Variants in ADGRV1 observed in about 807,000 individuals in gnomAD.
ADGRV1 encodes adhesion G protein-coupled receptor V1.
A neutral mutation model predicts 596.2 loss-of-function variants in ADGRV1; 359 were observed. The observed-to-expected ratio is 0.60, with a 90% confidence interval of 0.55 to 0.66. ADGRV1 has a LOEUF of 0.66. Ranked by LOEUF, ADGRV1 falls within the 30% of genes least tolerant of loss-of-function variation. The pLI, the probability that ADGRV1 is intolerant of heterozygous loss-of-function variation, is 0.00. For synonymous variants in ADGRV1, 2,681 were observed against 2,679.2 expected (o/e 1.00, Z -0.02); for missense variants, 7,274 against 7,575.6 (o/e 0.96, Z 1.48).
At position 90,675,105 on chromosome 5, in the gene ADGRV1, T is replaced by C. The variant is rs375644404; in HGVS notation, c.5111-138T>C. ...ATCAAAAGCATGTTAGTTAAATCTT[T>C]GCTAAAATATTTTCTAAATAAAGTC... On this transcript the variant is annotated intron_variant, in intron 23 of 89. Coordinates refer to ENST00000405460, the MANE Select transcript of ADGRV1 (RefSeq NM_032119.4). 1.0e-3 allele frequency: 618 copies of C among 610,096 alleles called. 8 individuals are homozygous for C. In the South Asian group the frequency reaches 0.015, roughly 14 times the overall value. 37.8% of individuals were successfully genotyped at this position (610,096 alleles called of 1,614,324 possible).
At chr5:90,978,982 T>C (rs936726281) in intron 84 of ADGRV1, among the ~76,000 whole-genome samples, 4 of 152,180 alleles carry the variant, frequency 2.6e-5, no homozygotes, top group African/African-American at 9.7e-5. Flanking sequence ...TTGGGTATTA[T>C]ATTCTGATAA....
chr5:90,886,654 C>T lies in ADGRV1; in HGVS notation c.17856+22797C>T, dbSNP rs561740455. ...CTCTGGTCTTATATACTCTGTTGCT[C>T]CTTGATAGCTCTTCTTGGATGTCTC... On this transcript the variant is annotated intron_variant, in intron 83 of 89. Coordinates refer to ENST00000405460, the MANE Select transcript of ADGRV1 (RefSeq NM_032119.4). Among the ~76,000 whole-genome samples the T allele has an allele frequency of 3.3e-5, 5 of 152,238 alleles. No homozygotes were observed. The East Asian group carries it at 9.7e-4, about 29-fold the overall frequency.
intron 26 of ADGRV1, 37 bp from the exon 27 acceptor site, chr5:90,681,278 A>ATTTTTTTTTTT (rs368491786): frequency 1.4e-6 from 2 of 1,453,192 alleles, no homozygotes; most frequent in Non-Finnish European, 1.9e-6. Context: ...ACTGATCATC[A>ATTTTTTTTTTT]TTTTTTTTTT....
In ADGRV1 at chr5:90,716,728, A is replaced by G. The variant is rs1013976549; in HGVS notation, c.9446A>G (p.Lys3149Arg). ...YIVLEEGVRF[K>R]ALQISAILDT... is the part of the protein sequence containing the mutation. ...GTTTTAGAAGAAGGTGTTCGATTCA[A>G]GGTACAGTAAGAAGCTTTAATGAGA... is the stretch of plus-strand genomic sequence containing the variant. The change falls in exon 43 of 90, where the codon AAG becomes AGG. Residue 3149 changes from lysine (K) to arginine (R), a missense_variant and splice_region_variant. Lys to Arg is a conservative substitution (Grantham distance 26, BLOSUM62 2). Around this residue, in one of 5 missense-constraint regions of ADGRV1, gnomAD observed 3,643 missense variants for 3,809.2 expected, o/e 0.96. Transcript: ENST00000405460. 3 of 1,608,162 alleles carry G rather than the reference A, an allele frequency of 1.9e-6. No individual in the cohort carries two copies. Among genetic ancestry groups the G allele is most frequent in the Non-Finnish European group, 2.6e-6 (3 of 1,175,596 alleles).
intron 84 of ADGRV1, among the ~76,000 whole-genome samples, 195 bp downstream of exon 84, chr5:90,965,726 T>C (rs1778397255): frequency 6.6e-6 from 1 of 152,132 alleles, no homozygotes; most frequent in East Asian, 1.9e-4. Context: ...TTTGAAGAAA[T>C]GATGGAAATC....
At chr5:90,733,825 A>T (rs920356886) in intron 50 of ADGRV1, among the ~76,000 whole-genome samples, 3 of 152,144 alleles carry the variant, frequency 2.0e-5, no homozygotes, top group African/African-American at 7.2e-5. Context: ...TTTGAAATAT[A>T]CTATACATTA....
At chr5:90,761,596 T>A (rs952017521) in intron 58 of ADGRV1, among the ~76,000 whole-genome samples, 2 of 152,194 alleles carry the variant, frequency 1.3e-5, no homozygotes, top group African/African-American at 4.8e-5. Context: ...CATAAATAAT[T>A]TTTGTTCATT....
At chr5:90,692,415 G>A (rs915254906) in intron 31 of ADGRV1, among the ~76,000 whole-genome samples, 190 bp from the exon 32 acceptor site, 1 of 152,134 alleles carries the variant, frequency 6.6e-6, no homozygotes, top group African/African-American at 2.4e-5. Flanking sequence ...GTTATTAAAT[G>A]TTGATGATGG....
At chr5:90,983,864 A>G (rs1780279553) in intron 84 of ADGRV1, among the ~76,000 whole-genome samples, 2 of 152,190 alleles carry the variant, frequency 1.3e-5, no homozygotes, top group African/African-American at 4.8e-5. Context: ...CCTAATACTA[A>G]TCCCTCAAGG....
chr5:90,618,374 A>G (rs924766090), intron 3 of ADGRV1, among the ~76,000 whole-genome samples: 7 of 152,044 alleles, frequency 4.6e-5, no homozygotes, highest in Non-Finnish European at 7.4e-5. Flanking sequence ...TGGGAGAAAA[A>G]CCTGAATAGC....
chr5:90,606,135 G>T (rs1762084058), intron 1 of ADGRV1, among the ~76,000 whole-genome samples: 1 of 152,184 alleles, frequency 6.6e-6, no homozygotes, highest in South Asian at 2.1e-4. Flanking sequence ...TCAAGCTTGG[G>T]ATACCTTTTT....
intron 45 of ADGRV1, among the ~76,000 whole-genome samples, chr5:90,721,558 A>G (rs865841561): frequency 4.5e-5 from 1 of 22,146 alleles, no homozygotes; most frequent in Non-Finnish European, 6.7e-5. Context: ...AAATAAAATA[A>G]AATAAAATAA....
intron 37 of ADGRV1, 93 bp downstream of exon 37, chr5:90,705,672 G>T: frequency 1.0e-6 from 1 of 957,306 alleles, no homozygotes. Flanking sequence ...AATAAATCGG[G>T]GACAGGAGAA....
intron 22 of ADGRV1, 129 bp from the exon 23 acceptor site, chr5:90,673,920 TTTTAA>T (rs1291150613): frequency 3.6e-5 from 23 of 634,498 alleles, no homozygotes; most frequent in Non-Finnish European, 5.7e-5. Context: ...TGTTTTAATG[TTTTAA>T]TTTATGCAGA....
At chr5:90,778,219 T>G (rs1369526198) in intron 62 of ADGRV1, among the ~76,000 whole-genome samples, 176 bp downstream of exon 62, 3 of 151,280 alleles carry the variant, frequency 2.0e-5, no homozygotes, top group African/African-American at 4.9e-5. Flanking sequence ...TGTGTGTGTG[T>G]GGTGTGTGTG....
At chr5:91,068,540 A>G (rs1194291396) in intron 85 of ADGRV1, among the ~76,000 whole-genome samples, 1 of 151,902 alleles carries the variant, frequency 6.6e-6, no homozygotes. Context: ...AAATTGAGGC[A>G]CTCACAAAAA....
intron 85 of ADGRV1, among the ~76,000 whole-genome samples, chr5:91,028,240 C>T (rs1322799612): frequency 2.6e-5 from 4 of 151,842 alleles, no homozygotes; most frequent in African/African-American, 9.7e-5. Flanking sequence ...GGACCAATTC[C>T]ACTATTCCCT....
rs1169839152 is a variant in ADGRV1, at chr5:90,810,282, T to A, written c.15022T>A (p.Ser5008Thr). Reference protein sequence around the residue: ...EIEPMGVFQFSTSSRNIIVSE... With the variant: ...EIEPMGVFQFTTSSRNIIVSE... Reference sequence around the variant, plus strand: ...TGAACCAATGGGCGTCTTCCAATTTTCCACTAGCTCAAGAAATATCATAGT... The same window carrying A: ...TGAACCAATGGGCGTCTTCCAATTTACCACTAGCTCAAGAAATATCATAGT... The change falls in exon 74 of 90, where the codon TCC becomes ACC. Residue 5008 changes from serine (S) to threonine (T), a missense_variant. Ser to Thr is a moderately conservative substitution (Grantham distance 58, BLOSUM62 1). Coordinates refer to ENST00000405460, the MANE Select transcript of ADGRV1 (RefSeq NM_032119.4). 3 of 1,596,812 alleles carry A rather than the reference T, an allele frequency of 1.9e-6. No homozygotes were observed. In the African/African-American group the frequency reaches 4.0e-5, roughly 21 times the overall value.
chr5:90,980,688 A>T (rs1422779417), intron 84 of ADGRV1, among the ~76,000 whole-genome samples: 1 of 152,228 alleles, frequency 6.6e-6, no homozygotes, highest in African/African-American at 2.4e-5. Context: ...AGCATGAAGC[A>T]TATTTAGGTG....
Sources: gnomAD v4.1 joint callset for allele counts (sites outside exome capture counted in the v4.1 genomes callset) on GRCh38, gnomAD v4.1.1 for gene constraint, gnomAD v4.1.1 regional missense constraint, MANE v1.5 for transcripts, NCBI Gene and HGNC (gene_info 2026-07-23, HGNC 2026-07-21) for gene names.